The following NEDD4L variants were observed in gnomAD, a reference collection of about 807,000 sequenced individuals.
NEDD4L encodes NEDD4 like E3 ubiquitin protein ligase.
In NEDD4L, 54 loss-of-function variants were observed where a neutral mutation model predicts 148.9. The observed-to-expected ratio is 0.36, with a 90% CI of 0.29 to 0.45. The LOEUF is 0.45. Ranked by LOEUF, NEDD4L falls within the 20% of genes least tolerant of loss-of-function variation. The probability of loss-of-function intolerance (pLI) is 1.00; values close to 1 mark genes in which losing one functional copy is unlikely to be tolerated. For synonymous variants in NEDD4L, 433 were observed against 440.7 expected (o/e 0.98, Z 0.22); for missense variants, 856 against 1,233.8 (o/e 0.69, Z 4.59).
At chr18:58,221,308 C>T (rs1599858203) in intron 2 of NEDD4L, among the ~76,000 whole-genome samples, 1 of 152,280 alleles carries the variant, frequency 6.6e-6, no homozygotes, top group South Asian at 2.1e-4. Flanking sequence ...TCCACAAAAC[C>T]TCATGACCTC....
intron 2 of NEDD4L, among the ~76,000 whole-genome samples, chr18:58,214,636 T>C (rs2042950220): frequency 6.7e-6 from 1 of 149,966 alleles, no homozygotes; most frequent in South Asian, 2.1e-4. Flanking sequence ...TGTGTGTGTG[T>C]GTGTGTGTTT....
intron 1 of NEDD4L, among the ~76,000 whole-genome samples, chr18:58,125,005 C>G (rs1219369995): frequency 6.6e-6 from 1 of 152,212 alleles, no homozygotes; most frequent in Admixed American, 6.5e-5. Context: ...TGGGTTCAGG[C>G]AGTCCTCCCA....
At chr18:58,155,704 G>A (rs1389852683) in intron 1 of NEDD4L, among the ~76,000 whole-genome samples, 4 of 152,222 alleles carry the variant, frequency 2.6e-5, no homozygotes, top group Non-Finnish European at 5.9e-5. Context: ...GAGGTATGCA[G>A]GTGCCTGGTA....
At position 58,334,737 on chromosome 18, in the gene NEDD4L, G is replaced by A. The variant is rs148447314; in HGVS notation, c.1066-741G>A. On this transcript the variant is annotated intron_variant, in intron 12 of 30. Transcript: ENST00000400345. ...GAAATCACAGTGTCTTCCCTCTCAT[G>A]TATGTTTTTTCTTGACTTCAAAGGA... Among the ~76,000 whole-genome samples, 531 of 152,240 alleles carry A rather than the reference G, an allele frequency of 3.5e-3. 5 individuals are homozygous for A. Among genetic ancestry groups the A allele is most frequent in the African/African-American group, 0.012 (506 of 41,552 alleles).
At chr18:58,105,315 A>G (rs1293828542) in intron 1 of NEDD4L, among the ~76,000 whole-genome samples, 1 of 152,096 alleles carries the variant, frequency 6.6e-6, no homozygotes, top group Non-Finnish European at 1.5e-5. Context: ...TTCAATCCAT[A>G]TCTCCCTGTT....
chr18:58,364,410 T>C, intron 20 of NEDD4L, 77 bp downstream of exon 20: 1 of 865,612 alleles, frequency 1.2e-6, no homozygotes, highest in Non-Finnish European at 1.8e-6. Flanking sequence ...TGAGAACAAC[T>C]TGGTTGTTAC....
At chr18:58,236,508 C>G (rs895827742) in intron 2 of NEDD4L, among the ~76,000 whole-genome samples, 4 of 152,180 alleles carry the variant, frequency 2.6e-5, no homozygotes, top group Non-Finnish European at 4.4e-5. Flanking sequence ...GTGATCTTGT[C>G]TTGGAATTTT....
chr18:58,214,166 T>C (rs908393513), intron 2 of NEDD4L, among the ~76,000 whole-genome samples: 1 of 133,334 alleles, frequency 7.5e-6, no homozygotes, highest in African/African-American at 2.6e-5. Flanking sequence ...AATCACCTGA[T>C]CGCTGCCCCA....
chr18:58,279,874 T>C (rs370035064), intron 5 of NEDD4L, among the ~76,000 whole-genome samples: 58 of 152,306 alleles, frequency 3.8e-4, no homozygotes, highest in African/African-American at 1.3e-3. Flanking sequence ...AAATAAGCAT[T>C]ATACACTTAG....
chr18:58,336,413 TA>T (rs890190724), intron 13 of NEDD4L, among the ~76,000 whole-genome samples: 8 of 151,956 alleles, frequency 5.3e-5, no homozygotes, highest in African/African-American at 1.9e-4. Flanking sequence ...CCGTCTCTAC[TA>T]AAAGTACAAA....
chr18:58,368,854 T>G (rs1335658627), intron 22 of NEDD4L, among the ~76,000 whole-genome samples: 3 of 152,242 alleles, frequency 2.0e-5, no homozygotes, highest in Non-Finnish European at 4.4e-5. Flanking sequence ...TATATTTTAA[T>G]TTCCAGCTTT....
At chr18:58,359,905 G>A (rs979141010) in intron 19 of NEDD4L, 1 of 152,252 alleles carries the variant, frequency 6.6e-6, no homozygotes, top group Non-Finnish European at 1.5e-5. Context: ...GTGACAGTCT[G>A]AGAGTGGTAA....
chr18:58,236,982 C>G (rs2046105119), intron 2 of NEDD4L, among the ~76,000 whole-genome samples: 1 of 152,124 alleles, frequency 6.6e-6, no homozygotes, highest in African/African-American at 2.4e-5. Flanking sequence ...AAGATCATGC[C>G]ATTGCACTCC....
At chr18:58,195,706 C>T in intron 2 of NEDD4L, 1 of 1,352,100 alleles carries the variant, frequency 7.4e-7, no homozygotes, top group Admixed American at 1.9e-5. Flanking sequence ...CTCCCCACTT[C>T]AGACGAGCTC....
At chr18:58,321,941 G>A (rs2058815843) in intron 6 of NEDD4L, among the ~76,000 whole-genome samples, 1 of 152,168 alleles carries the variant, frequency 6.6e-6, no homozygotes. Context: ...CTGCTTCCTG[G>A]GGTGATCTCT....
chr18:58,276,263 G>C (rs1202788477), intron 5 of NEDD4L, among the ~76,000 whole-genome samples: 1 of 147,860 alleles, frequency 6.8e-6, no homozygotes, highest in African/African-American at 2.5e-5. Context: ...CTGTTGCCCA[G>C]GCTGGAGCTA....
chr18:58,288,827 A>G (rs989338754), intron 5 of NEDD4L, among the ~76,000 whole-genome samples: 2 of 152,206 alleles, frequency 1.3e-5, no homozygotes, highest in Non-Finnish European at 2.9e-5. Context: ...TCAAATAACT[A>G]ATGGTTCATA....
At chr18:58,151,001 G>A (rs2146302560) in intron 1 of NEDD4L, among the ~76,000 whole-genome samples, 1 of 152,332 alleles carries the variant, frequency 6.6e-6, no homozygotes, top group African/African-American at 2.4e-5. Context: ...ACCTCAACCA[G>A]GCAGAGATTG....
chr18:58,377,717 G>T (rs2047750033), intron 24 of NEDD4L, among the ~76,000 whole-genome samples: 1 of 147,594 alleles, frequency 6.8e-6, no homozygotes, highest in Non-Finnish European at 1.5e-5. Context: ...GTTCAGCAGA[G>T]CAACGTCTAA....
Sources: gnomAD v4.1 joint callset for allele counts (sites outside exome capture counted in the v4.1 genomes callset) on GRCh38, gnomAD v4.1.1 for gene constraint, MANE v1.5 for transcripts, NCBI Gene and HGNC (gene_info 2026-07-23, HGNC 2026-07-21) for gene names.